Variants in JARID2 observed in about 807,000 individuals in gnomAD.
JARID2 encodes the protein protein Jumonji.
JARID2 carries 21 observed loss-of-function variants against 125.6 expected under a neutral mutation model. That is an observed-to-expected ratio of 0.17 (90% CI 0.12 to 0.24). JARID2 has a LOEUF of 0.24. Ranked by LOEUF, JARID2 falls within the 10% of genes least tolerant of loss-of-function variation. The pLI, the probability that JARID2 is intolerant of heterozygous loss-of-function variation, is 1.00. For missense variants in JARID2, 1,303 were observed against 1,639.6 expected, an observed-to-expected ratio of 0.79 and a Z score of 3.55; for synonymous variants, 736 against 661.6, an observed-to-expected ratio of 1.11 and a Z score of -1.73.
chr6:15,408,735 C>G (rs1039026999), intron 2 of JARID2, among the ~76,000 whole-genome samples: 1 of 152,178 alleles, frequency 6.6e-6, no homozygotes, highest in African/African-American at 2.4e-5. Flanking sequence ...CTTATCCACA[C>G]TGGGCATATT....
intron 4 of JARID2, among the ~76,000 whole-genome samples, chr6:15,467,941 C>G (rs749933434): frequency 6.6e-6 from 1 of 152,036 alleles, no homozygotes; most frequent in Non-Finnish European, 1.5e-5. Context: ...AGGTTTATTT[C>G]TTTATTTTTT....
chr6:15,254,111 TTTG>T lies in JARID2; in HGVS notation c.45+7533_45+7535del, dbSNP rs1360446654. ...TGTCCGTCTTCCCTGCATGTTTGTA[TTTG>T]TTGTTTTTTGAAGAACCAGTTGGTG... is the stretch of plus-strand genomic sequence containing the variant. On this transcript the variant is annotated intron_variant, in intron 1 of 17. Coordinates refer to ENST00000341776, the MANE Select transcript of JARID2 (RefSeq NM_004973.4). Among the ~76,000 whole-genome samples the T allele has an allele frequency of 2.0e-5, 3 of 152,306 alleles. No individual in the cohort carries two copies. In the South Asian group the frequency reaches 6.2e-4, roughly 32 times the overall value.
intron 2 of JARID2, among the ~76,000 whole-genome samples, chr6:15,395,413 G>T (rs9349978): frequency 0.44 from 66,746 of 151,716 alleles, 14,777 homozygotes; most frequent in East Asian, 0.54. Context: ...CTACAGGCGT[G>T]CACCACTGTG....
intron 6 of JARID2, among the ~76,000 whole-genome samples, chr6:15,493,922 T>A (rs1389220986): frequency 6.6e-6 from 1 of 152,176 alleles, no homozygotes; most frequent in East Asian, 1.9e-4. Flanking sequence ...CAGGTGCTTT[T>A]TTTCCTCTCC....
intron 1 of JARID2, among the ~76,000 whole-genome samples, chr6:15,266,967 G>A (rs187637536): frequency 9.2e-5 from 14 of 152,338 alleles, no homozygotes; most frequent in Admixed American, 2.0e-4. Flanking sequence ...GTGCACGTGC[G>A]TCCCTGAGTG....
intron 2 of JARID2, among the ~76,000 whole-genome samples, chr6:15,396,888 A>T (rs1328365381): frequency 1.3e-5 from 2 of 152,214 alleles, no homozygotes; most frequent in African/African-American, 4.8e-5. Context: ...ACGAGTTTGC[A>T]TACCATCACC....
intron 1 of JARID2, among the ~76,000 whole-genome samples, chr6:15,247,265 TGTAA>T (rs1759215525): frequency 6.6e-6 from 1 of 152,246 alleles, no homozygotes; most frequent in African/African-American, 2.4e-5. Flanking sequence ...TGAATGCATA[TGTAA>T]GTAACTACAA....
intron 2 of JARID2, among the ~76,000 whole-genome samples, chr6:15,390,610 T>C (rs575049643): frequency 1.6e-4 from 25 of 152,170 alleles, no homozygotes; most frequent in Non-Finnish European, 2.9e-4. Flanking sequence ...TTTGTGGGGG[T>C]AGGCAGTTGT....
At chr6:15,282,641 G>A (rs573685025) in intron 1 of JARID2, among the ~76,000 whole-genome samples, 4 of 150,722 alleles carry the variant, frequency 2.7e-5, no homozygotes, top group African/African-American at 9.8e-5. Context: ...TTTCGCTCTT[G>A]TTGCCCAGGC....
intron 1 of JARID2, among the ~76,000 whole-genome samples, chr6:15,354,431 A>G (rs1763530931): frequency 6.6e-6 from 1 of 152,256 alleles, no homozygotes; most frequent in African/African-American, 2.4e-5. Flanking sequence ...CAGAAATGTG[A>G]TAATTTGTTA....
At chr6:15,414,936 GTTTTC>G (rs1372309915) in intron 3 of JARID2, among the ~76,000 whole-genome samples, 1 of 152,200 alleles carries the variant, frequency 6.6e-6, no homozygotes, top group Non-Finnish European at 1.5e-5. Flanking sequence ...AAGGTCTCTG[GTTTTC>G]CTATGCAGAG....
At chr6:15,284,603 C>A (rs1760921874) in intron 1 of JARID2, among the ~76,000 whole-genome samples, 1 of 151,378 alleles carries the variant, frequency 6.6e-6, no homozygotes, top group East Asian at 1.9e-4. Context: ...TCTCCTGCCT[C>A]AGCCTCCCAA....
chr6:15,404,226 G>A (rs1465365713), intron 2 of JARID2, among the ~76,000 whole-genome samples: 2 of 152,158 alleles, frequency 1.3e-5, no homozygotes, highest in Admixed American at 1.3e-4. Context: ...TCTCCCTGGA[G>A]CTCTGTGCTC....
chr6:15,320,844 C>G (rs1406237316), intron 1 of JARID2, among the ~76,000 whole-genome samples: 33 of 136,816 alleles, frequency 2.4e-4, no homozygotes, highest in South Asian at 1.6e-3. Flanking sequence ...TTCATTCTCT[C>G]TCTCTCTCTG....
chr6:15,303,943 T>C, intron 1 of JARID2, among the ~76,000 whole-genome samples: 1 of 152,146 alleles, frequency 6.6e-6, no homozygotes, highest in East Asian at 1.9e-4. Flanking sequence ...AGCACTGGGT[T>C]GAGACCTCAA....
intron 2 of JARID2, among the ~76,000 whole-genome samples, chr6:15,383,915 C>T (rs769628140): frequency 2.0e-5 from 3 of 152,234 alleles, no homozygotes; most frequent in East Asian, 3.8e-4. Flanking sequence ...CTGCCTCAGC[C>T]TCCTGAGTAG....
chr6:15,385,200 C>T (rs1459750412), intron 2 of JARID2, among the ~76,000 whole-genome samples: 1 of 152,180 alleles, frequency 6.6e-6, no homozygotes, highest in African/African-American at 2.4e-5. Flanking sequence ...TTTAAATACA[C>T]AAAGCATACT....
intron 1 of JARID2, among the ~76,000 whole-genome samples, chr6:15,341,447 C>G (rs72834590): frequency 0.032 from 4,863 of 152,292 alleles, 131 homozygotes; most frequent in South Asian, 0.12. Context: ...AGGGCAGGCC[C>G]CAGCCTCCAG....
intron 1 of JARID2, among the ~76,000 whole-genome samples, chr6:15,292,411 A>G (rs979963893): frequency 1.3e-5 from 2 of 152,144 alleles, no homozygotes; most frequent in African/African-American, 4.8e-5. Context: ...GTACAACTGC[A>G]GTTTTCTTTA....
Sources: gnomAD v4.1 joint callset for allele counts (sites outside exome capture counted in the v4.1 genomes callset) on GRCh38, gnomAD v4.1.1 for gene constraint, MANE v1.5 for transcripts, NCBI Gene and HGNC (gene_info 2026-07-23, HGNC 2026-07-21) for gene names.